Variants in WDR45B observed in about 807,000 individuals in gnomAD.
WDR45B encodes WD repeat domain 45B.
WDR45B carries 20 observed loss-of-function variants against 44.6 expected under a neutral mutation model. The observed-to-expected ratio is 0.45, with a 90% CI of 0.32 to 0.65. The LOEUF (loss-of-function observed/expected upper bound fraction) is 0.65. Ranked by LOEUF, WDR45B falls within the 30% of genes least tolerant of loss-of-function variation. The pLI is 0.05. For missense variants in WDR45B, 323 were observed against 430.2 expected, an observed-to-expected ratio of 0.75 and a Z score of 2.20; for synonymous variants, 169 against 164.9, an observed-to-expected ratio of 1.02 and a Z score of -0.19.
intron 2 of WDR45B, among the ~76,000 whole-genome samples, chr17:82,637,411 G>C (rs912144782): frequency 1.3e-5 from 2 of 151,884 alleles, no homozygotes; most frequent in Non-Finnish European, 2.9e-5. Context: ...CACCAACACA[G>C]AAGACTTCTG....
rs573690757 is a variant in WDR45B, at chr17:82,629,770, A to G, written c.244+1151T>C. On this transcript the variant is annotated intron_variant, in intron 3 of 9. Coordinates refer to ENST00000392325, the MANE Select transcript of WDR45B (RefSeq NM_019613.4). ...TGGGCCCCAAAGCTTGTCACGAGTC[A>G]TCTGGAACCTTCTGCCTTTCCACAC... is the stretch of plus-strand genomic sequence containing the variant. 1.0e-5 allele frequency: 10 copies of G among 985,548 alleles called. No individual in the cohort carries two copies. In the East Asian group the frequency reaches 1.0e-3, roughly 101 times the overall value. The allele number at this position is 985,548 out of a possible 1,614,324, so 61.1% of individuals were successfully genotyped here. A position where few individuals can be genotyped will look rare whatever the true frequency, so the allele number is the denominator to read the frequency against.
At chr17:82,616,943 G>A (rs990687098) in intron 8 of WDR45B, among the ~76,000 whole-genome samples, 1 of 151,884 alleles carries the variant, frequency 6.6e-6, no homozygotes, top group South Asian at 2.1e-4. Flanking sequence ...TCAGCCTCCC[G>A]AGTAGCTGGG....
At chr17:82,631,102 G>C in intron 2 of WDR45B, 80 bp from the exon 3 acceptor site, 3 of 1,398,386 alleles carry the variant, frequency 2.1e-6, no homozygotes, top group Non-Finnish European at 3.0e-6. Context: ...AGAAAGTCAA[G>C]ACAGGTAACG....
chr17:82,644,664 G>A (rs1397145125), intron 1 of WDR45B: 2 of 158,442 alleles, frequency 1.3e-5, no homozygotes, highest in African/African-American at 4.8e-5. Flanking sequence ...GTGCGTAGAT[G>A]ATCGTGTGTT....
chr17:82,635,711 C>T (rs2045824083), intron 2 of WDR45B, among the ~76,000 whole-genome samples: 1 of 151,996 alleles, frequency 6.6e-6, no homozygotes, highest in Non-Finnish European at 1.5e-5. Context: ...GCATTAGCCA[C>T]TGTGCGCAGC....
intron 7 of WDR45B, 69 bp from the exon 8 acceptor site, chr17:82,617,466 C>A: frequency 2.1e-6 from 3 of 1,439,634 alleles, no homozygotes; most frequent in Non-Finnish European, 2.9e-6. Context: ...TAACCCACAG[C>A]ACTTGTCGAC....
chr17:82,636,990 G>A (rs975914737), intron 2 of WDR45B, among the ~76,000 whole-genome samples: 1 of 151,976 alleles, frequency 6.6e-6, no homozygotes, highest in South Asian at 2.1e-4. Context: ...GATAGGGACT[G>A]CGTTCAGGAT....
intron 2 of WDR45B, among the ~76,000 whole-genome samples, chr17:82,637,000 T>A (rs1398084856): frequency 1.3e-5 from 2 of 151,970 alleles, no homozygotes; most frequent in African/African-American, 4.8e-5. Flanking sequence ...GCGTTCAGGA[T>A]AAAAACCCCC....
At chr17:82,616,470 G>C in intron 9 of WDR45B, 54 bp downstream of exon 9, 1 of 1,611,942 alleles carries the variant, frequency 6.2e-7, no homozygotes, top group Non-Finnish European at 8.5e-7. Flanking sequence ...ACGCTCAGTG[G>C]ATGGAGCCCA....
chr17:82,619,904 C>T (rs1408329122), intron 6 of WDR45B, among the ~76,000 whole-genome samples: 4 of 152,168 alleles, frequency 2.6e-5, no homozygotes, highest in Non-Finnish European at 5.9e-5. Flanking sequence ...CTGCGTAATC[C>T]CATCTACCTG....
chr17:82,630,926 T>C lies in WDR45B; in HGVS notation c.239A>G (p.Asn80Ser). 1.9e-6 allele frequency: 3 copies of C among 1,612,186 alleles called. No individual in the cohort carries two copies. The highest frequency in any genetic ancestry group is 1.3e-5 in the African/African-American group (1 of 74,966). ...GGGKKPKYPP[N>S]KVMIWDDLKK... Reference sequence around the variant, plus strand: ...TCAATACACAATTACAGTACCTTTGTTGGGAGGGTATTTCGGCTTTTTTCC... The same window carrying C: ...TCAATACACAATTACAGTACCTTTGCTGGGAGGGTATTTCGGCTTTTTTCC... Residue 80 changes from asparagine (N) to serine (S), a missense_variant, in exon 3 of 10, where the codon AAC becomes AGC. Coordinates refer to ENST00000392325, the MANE Select transcript of WDR45B (RefSeq NM_019613.4).
chr17:82,619,774 A>C (rs1346755656), intron 6 of WDR45B, among the ~76,000 whole-genome samples: 1 of 152,140 alleles, frequency 6.6e-6, no homozygotes, highest in Non-Finnish European at 1.5e-5. Flanking sequence ...TATATCCTTC[A>C]ACCCAGCAGC....
chr17:82,646,331 T>C (rs1054605590), intron 1 of WDR45B, among the ~76,000 whole-genome samples: 6 of 149,682 alleles, frequency 4.0e-5, no homozygotes, highest in African/African-American at 9.8e-5. Context: ...CTACTAAAAA[T>C]ACAAAATTAG....
At chr17:82,638,300 AAAAG>A (rs1456088728) in intron 2 of WDR45B, among the ~76,000 whole-genome samples, 2 of 127,536 alleles carry the variant, frequency 1.6e-5, no homozygotes, top group African/African-American at 3.2e-5. Flanking sequence ...AAGAAAAAAG[AAAAG>A]AAAGGAAGGA....
At chr17:82,616,841 G>T (rs1016781075) in intron 8 of WDR45B, among the ~76,000 whole-genome samples, 196 bp from the exon 9 acceptor site, 1 of 151,114 alleles carries the variant, frequency 6.6e-6, no homozygotes, top group African/African-American at 2.4e-5. Context: ...TTTTTGAGAC[G>T]GAGTCTCGCT....
intron 2 of WDR45B, among the ~76,000 whole-genome samples, chr17:82,635,701 G>C (rs919454917): frequency 7.9e-5 from 12 of 151,938 alleles, no homozygotes; most frequent in Non-Finnish European, 1.8e-4. Context: ...GGGATTACAG[G>C]CATTAGCCAC....
intron 1 of WDR45B, 71 bp from the exon 2 acceptor site, chr17:82,644,094 A>T (rs2045948962): frequency 2.1e-6 from 3 of 1,454,446 alleles, no homozygotes; most frequent in Non-Finnish European, 2.9e-6. Flanking sequence ...GTCTGGAGAA[A>T]TGACAACTAC....
At position 82,627,292 on chromosome 17, in the gene WDR45B, C is replaced by T. The variant is rs1298041393; in HGVS notation, c.245-1G>A. 1 of 1,608,710 alleles carries T rather than the reference C, an allele frequency of 6.2e-7. No homozygotes were observed. The highest frequency in any genetic ancestry group is 8.5e-7 in the Non-Finnish European group (1 of 1,176,774). On this transcript the variant is annotated splice_acceptor_variant, in intron 3 of 9. Transcript: ENST00000392325. LOFTEE classifies it high-confidence loss of function. ...TTCTTCAGGTCATCCCAGATCATTA[C>T]TGAAATATCAGAAAGAAAAGATGAA...
In WDR45B at chr17:82,648,039, G is replaced by C. The variant is rs80202665; in HGVS notation, c.67+235C>G. 5.0e-4 allele frequency among the ~76,000 whole-genome samples: 73 copies of C among 147,118 alleles called. 1 individual carries two copies. In the East Asian group the frequency reaches 0.014, roughly 29 times the overall value. ...AGCGGTCACAACCCGGGGGGTGGGG[G>C]AGCGCGAAAGGCCAGGAAGGTGGGA... is the stretch of plus-strand genomic sequence containing the variant. On this transcript the variant is annotated intron_variant, in intron 1 of 9. Coordinates refer to ENST00000392325, the MANE Select transcript of WDR45B (RefSeq NM_019613.4).
Sources: allele counts gnomAD v4.1 joint callset (sites outside exome capture counted in the v4.1 genomes callset), GRCh38; gene constraint gnomAD v4.1.1; transcripts MANE v1.5; gene names NCBI Gene and HGNC (gene_info 2026-07-23, HGNC 2026-07-21).